Variants in RAB38 observed in about 807,000 individuals in gnomAD.
The protein encoded by RAB38 is RAB38, member RAS oncogene family.
RAB38 carries 15 observed loss-of-function variants against 18.4 expected under a neutral mutation model. That is an observed-to-expected ratio of 0.82 (90% CI 0.55 to 1.26). The LOEUF (loss-of-function observed/expected upper bound fraction) is 1.26. Among genes scored for constraint, RAB38 ranks in the 50% most tolerant of loss-of-function variants. The pLI, the probability that RAB38 is intolerant of heterozygous loss-of-function variation, is 0.00. For missense variants in RAB38, 294 were observed against 267.4 expected (o/e 1.10, Z -0.69); for synonymous variants, 101 against 104.4 (o/e 0.97, Z 0.20).
chr11:87,878,853 A>G, the RAB38 span, among the ~76,000 whole-genome samples: 1 of 151,624 alleles, frequency 6.6e-6, no homozygotes, highest in Non-Finnish European at 1.5e-5. Context: ...TGGAATTTTT[A>G]TCCTACCTCA....
the RAB38 span, among the ~76,000 whole-genome samples, chr11:88,043,684 C>G: frequency 6.6e-6 from 1 of 151,062 alleles, no homozygotes; most frequent in Non-Finnish European, 1.5e-5. Context: ...AATGTCCCCA[C>G]CCCATCTCCC....
chr11:88,019,537 C>T, the RAB38 span, among the ~76,000 whole-genome samples: 1 of 152,242 alleles, frequency 6.6e-6, no homozygotes, highest in African/African-American at 2.4e-5. Context: ...AAATGTAAAT[C>T]ATATAATATC....
At chr11:88,017,326 A>G in the RAB38 span, among the ~76,000 whole-genome samples, 1 of 151,530 alleles carries the variant, frequency 6.6e-6, no homozygotes, top group African/African-American at 2.4e-5. Context: ...ATATTCTCAA[A>G]TTAGTTGGTA....
chr11:88,030,413 C>T, the RAB38 span, among the ~76,000 whole-genome samples: 4 of 152,138 alleles, frequency 2.6e-5, no homozygotes. Flanking sequence ...ACACAAAAAA[C>T]TCTTCAAAAA....
At chr11:87,966,400 C>T in the RAB38 span, among the ~76,000 whole-genome samples, 1 of 151,946 alleles carries the variant, frequency 6.6e-6, no homozygotes, top group Non-Finnish European at 1.5e-5. Flanking sequence ...ACACTGGGCT[C>T]CAAGGGAAAA....
the RAB38 span, among the ~76,000 whole-genome samples, chr11:87,937,442 G>C: frequency 6.7e-6 from 1 of 149,392 alleles, no homozygotes; most frequent in Non-Finnish European, 1.5e-5. Flanking sequence ...TTTTATATTG[G>C]AGCATTATCA....
the RAB38 span, among the ~76,000 whole-genome samples, chr11:88,010,708 G>T: frequency 6.6e-6 from 1 of 152,208 alleles, no homozygotes; most frequent in East Asian, 1.9e-4. Context: ...TAATTCTCAC[G>T]ATAATCCTGC....
At chr11:87,847,126 AAAGT>A in the RAB38 span, among the ~76,000 whole-genome samples, 1 of 152,070 alleles carries the variant, frequency 6.6e-6, no homozygotes, top group Non-Finnish European at 1.5e-5. Context: ...AAAGAATAAC[AAAGT>A]AAGTAGAAGA....
At chr11:88,069,455 C>A in the RAB38 span, among the ~76,000 whole-genome samples, 1 of 152,240 alleles carries the variant, frequency 6.6e-6, no homozygotes, top group African/African-American at 2.4e-5. Flanking sequence ...GACTGGCGGG[C>A]AGCTCCAACC....
the RAB38 span, among the ~76,000 whole-genome samples, chr11:87,935,093 G>A: frequency 6.6e-6 from 1 of 151,868 alleles, no homozygotes; most frequent in African/African-American, 2.4e-5. Flanking sequence ...TCTCCTTCAA[G>A]GGGACACAAA....
intron 2 of RAB38, chr11:88,115,951 G>C (rs896337781): frequency 1.3e-5 from 2 of 152,196 alleles, no homozygotes; most frequent in Non-Finnish European, 2.9e-5. Context: ...TCTTCCTTCA[G>C]CTCAAGTATC....
At chr11:87,973,209 C>T in the RAB38 span, among the ~76,000 whole-genome samples, 1 of 151,998 alleles carries the variant, frequency 6.6e-6, no homozygotes, top group Admixed American at 6.6e-5. Flanking sequence ...GCTAAATAAA[C>T]AAGCAAATGA....
chr11:88,155,119 G>C (rs2134835374), intron 1 of RAB38, among the ~76,000 whole-genome samples: 1 of 152,332 alleles, frequency 6.6e-6, no homozygotes, highest in South Asian at 2.1e-4. Flanking sequence ...ACACTTGGTA[G>C]CTGCCCCCCA....
At chr11:87,926,668 G>A in the RAB38 span, among the ~76,000 whole-genome samples, 2 of 152,030 alleles carry the variant, frequency 1.3e-5, no homozygotes, top group Admixed American at 6.6e-5. Context: ...TAAGCTGGCA[G>A]GTGACAGTCT....
chr11:87,868,888 G>A, the RAB38 span, among the ~76,000 whole-genome samples: 31 of 151,610 alleles, frequency 2.0e-4, no homozygotes, highest in African/African-American at 7.5e-4. Context: ...CCTTCTTCAG[G>A]TCTGTATGCT....
chr11:88,060,925 T>C, the RAB38 span, among the ~76,000 whole-genome samples: 2 of 152,198 alleles, frequency 1.3e-5, no homozygotes, highest in African/African-American at 4.8e-5. Flanking sequence ...CAAACATATA[T>C]AAAACATTGT....
At chr11:88,160,435 C>G (rs576408913) in intron 1 of RAB38, among the ~76,000 whole-genome samples, 1 of 152,178 alleles carries the variant, frequency 6.6e-6, no homozygotes, top group South Asian at 2.1e-4. Context: ...TCTCAAAGAA[C>G]TTAAAACAGA....
At chr11:87,821,447 AT>A in the RAB38 span, among the ~76,000 whole-genome samples, 1 of 152,230 alleles carries the variant, frequency 6.6e-6, no homozygotes, top group Non-Finnish European at 1.5e-5. Flanking sequence ...CTATAAAAAA[AT>A]TCTTAAGGAT....
intron 2 of RAB38, among the ~76,000 whole-genome samples, chr11:88,136,469 C>T (rs776653495): frequency 1.2e-4 from 18 of 152,148 alleles, no homozygotes; most frequent in East Asian, 1.9e-4. Context: ...AGAGGGCAAA[C>T]GTGTCTTAGT....
Sources: allele counts gnomAD v4.1 joint callset (sites outside exome capture counted in the v4.1 genomes callset), GRCh38; gene constraint gnomAD v4.1.1; transcripts MANE v1.5; gene names NCBI Gene and HGNC (gene_info 2026-07-23, HGNC 2026-07-21).